The following RET variants were observed in gnomAD, a reference collection of about 807,000 sequenced individuals.
The protein encoded by RET is ret proto-oncogene.
In RET, 19 loss-of-function variants were observed where a neutral mutation model predicts 118.3. That is an observed-to-expected ratio of 0.16 (90% CI 0.11 to 0.24). The LOEUF is 0.24. Ranked by LOEUF, RET falls within the 10% of genes least tolerant of loss-of-function variation. The probability of loss-of-function intolerance (pLI) is 1.00; values close to 1 mark genes in which losing one functional copy is unlikely to be tolerated. For missense variants in RET, 1,219 were observed against 1,502.1 expected (o/e 0.81, Z 3.12); for synonymous variants, 597 against 644.1 (o/e 0.93, Z 1.11).
At chr10:43,079,346 C>CGT (rs1564481685) in intron 1 of RET, among the ~76,000 whole-genome samples, 1 of 152,198 alleles carries the variant, frequency 6.6e-6, no homozygotes, top group African/African-American at 2.4e-5. Flanking sequence ...AGGGACGCCA[C>CGT]GTGTGTATAT....
At chr10:43,102,153 G>T in intron 2 of RET, 189 bp from the exon 3 acceptor site, 1 of 695,308 alleles carries the variant, frequency 1.4e-6, no homozygotes, top group Non-Finnish European at 2.5e-6. Context: ...GTGGGGCATT[G>T]GTGCTGGGCA....
At chr10:43,081,104 C>G (rs921906311) in intron 1 of RET, among the ~76,000 whole-genome samples, 2 of 152,096 alleles carry the variant, frequency 1.3e-5, no homozygotes, top group African/African-American at 4.8e-5. Flanking sequence ...GGTGCAGCCC[C>G]CCATGCTCCC....
Position 43,124,922 on chromosome 10 carries a change from C to A in RET, c.2979C>A (p.Asp993Glu). The A allele has an allele frequency of 1.2e-6, 2 of 1,614,202 alleles. No homozygotes were observed. The highest frequency in any genetic ancestry group is 1.7e-6 in the Non-Finnish European group (2 of 1,180,052). The change falls in exon 18 of 20, where the codon GAC becomes GAA. Residue 993 changes from aspartate (D) to glutamate (E), a missense_variant. By Grantham distance (45) the Asp-to-Glu change is conservative. This residue lies in a region of RET where 174 missense variants were observed against 179.3 expected (regional missense o/e 0.97). Transcript: ENST00000355710. Reference sequence around the variant, plus strand: ...TGCAATGCTGGAAGCAGGAGCCGGACAAAAGGCCGGTGTTTGCGGACATCA... The same window carrying A: ...TGCAATGCTGGAAGCAGGAGCCGGAAAAAAGGCCGGTGTTTGCGGACATCA... Reference protein sequence around the residue: ...LMLQCWKQEPDKRPVFADISK... With the variant: ...LMLQCWKQEPEKRPVFADISK...
intron 1 of RET, among the ~76,000 whole-genome samples, chr10:43,081,805 G>A (rs955456856): frequency 8.5e-5 from 13 of 152,208 alleles, no homozygotes; most frequent in Middle Eastern, 3.2e-3. Flanking sequence ...AGCCAGGGCC[G>A]GCTCAGGGAT....
intron 12 of RET, 66 bp downstream of exon 12, chr10:43,116,797 CT>C (rs1322100535): frequency 2.3e-5 from 36 of 1,567,134 alleles, no homozygotes; most frequent in Non-Finnish European, 2.9e-5. Context: ...GGTGAGGCCC[CT>C]CCTGCCCAGC....
intron 4 of RET, 102 bp downstream of exon 4, chr10:43,105,295 G>A (rs1054951688): frequency 3.3e-6 from 5 of 1,530,936 alleles, no homozygotes; most frequent in Non-Finnish European, 3.6e-6. Context: ...CCGTGTGGCC[G>A]ACCATTCGCG....
intron 15 of RET, among the ~76,000 whole-genome samples, 197 bp downstream of exon 15, chr10:43,120,400 T>C (rs1478301890): frequency 6.6e-6 from 1 of 152,202 alleles, no homozygotes; most frequent in African/African-American, 2.4e-5. Context: ...TGCCATGTCC[T>C]TCTCCTCCAG....
At chr10:43,116,136 G>A (rs1158683885) in intron 11 of RET, among the ~76,000 whole-genome samples, 1 of 152,244 alleles carries the variant, frequency 6.6e-6, no homozygotes, top group East Asian at 1.9e-4. Flanking sequence ...GTGAGCGGGT[G>A]CGTGAGGGCC....
rs1799939 is a variant in RET, at chr10:43,114,671, G to T, written c.2071G>T (p.Gly691Cys). Residue 691 changes from glycine to cysteine, a missense_variant, in exon 11 of 20, where the codon GGT (glycine) becomes TGT (cysteine). Physicochemically the swap from Gly to Cys is radical, Grantham distance 159. Around this residue, in one of 5 missense-constraint regions of RET, gnomAD observed 850 missense variants for 969.6 expected, o/e 0.88. Transcript: ENST00000355710. The surrounding 1 kb of genome is among the most constrained non-coding windows in gnomAD (Gnocchi z 4.6). ...QAFPVSYSSS[G>C]ARRPSLDSME... ...CTTCCCGGTCAGCTACTCCTCTTCC[G>T]GTGCCCGCCGGCCCTCGCTGGACTC... is the stretch of plus-strand genomic sequence containing the variant. The T allele has an allele frequency of 9.3e-6, 15 of 1,612,290 alleles. No individual in the cohort carries two copies. The highest frequency in any genetic ancestry group is 1.3e-5 in the Non-Finnish European group (15 of 1,179,882).
In RET at chr10:43,106,716, A is replaced by G. The variant is rs182113946; in HGVS notation, c.1063+145A>G. On this transcript the variant is annotated intron_variant, in intron 5 of 19. Transcript: ENST00000355710. This position sits in a 1 kb window ranked among gnomAD's most constrained non-coding sequence, Gnocchi z 5.1. ...ACTTCCCCTCCACCCTCTGCCCAGC[A>G]CTTCCTGTGTCTCTGCCAGGCCTGC... 1,914 of 845,280 alleles carry G rather than the reference A, an allele frequency of 2.3e-3. 6 individuals carry two copies. The highest frequency in any genetic ancestry group is 2.3e-3 in the Non-Finnish European group (1,247 of 537,234). 52.4% of individuals were successfully genotyped at this position (845,280 alleles called of 1,614,324 possible).
intron 3 of RET, among the ~76,000 whole-genome samples, chr10:43,103,945 C>CT (rs1564490675): frequency 6.6e-6 from 1 of 152,218 alleles, no homozygotes; most frequent in African/African-American, 2.4e-5. Flanking sequence ...AGCATGCCCC[C>CT]TTTTCTGGAT....
In RET at chr10:43,106,291, C is replaced by T. The variant is rs775741962; in HGVS notation, c.868-85C>T. 19 of 1,295,416 alleles carry T rather than the reference C, an allele frequency of 1.5e-5. No homozygotes were observed. The highest frequency in any genetic ancestry group is 3.7e-5 in the South Asian group (3 of 81,428). The allele number at this position is 1,295,416 out of a possible 1,614,324, so 80.2% of individuals were successfully genotyped here. ...TGGTCCACCTATGGGCTGTGTGGGA[C>T]GTGCAGCATTCTAAGGTCTCTGGTT... On this transcript the variant is annotated intron_variant, in intron 4 of 19. Transcript: ENST00000355710. This position sits in a 1 kb window ranked among gnomAD's most constrained non-coding sequence, Gnocchi z 5.1.
intron 4 of RET, 112 bp downstream of exon 4, chr10:43,105,305 GCTTTCATTTGTCCTTCGC>G: frequency 6.7e-7 from 1 of 1,503,710 alleles, no homozygotes; most frequent in East Asian, 2.3e-5. Flanking sequence ...GACCATTCGC[GCTTTCATTTGTCCTTCGC>G]CTCCGTCTGC....
At chr10:43,082,015 A>G (rs1207673915) in intron 1 of RET, among the ~76,000 whole-genome samples, 1 of 152,112 alleles carries the variant, frequency 6.6e-6, no homozygotes, top group Non-Finnish European at 1.5e-5. Flanking sequence ...TGGCGCTGAG[A>G]CAATGAGGCC....
At chr10:43,119,955 C>A in intron 14 of RET, 126 bp from the exon 15 acceptor site, 2 of 1,454,224 alleles carry the variant, frequency 1.4e-6, no homozygotes, top group Non-Finnish European at 9.4e-7. Context: ...TGCCACACCC[C>A]CGGCCCAGGT....
chr10:43,080,039 G>A lies in RET; in HGVS notation c.73+2708G>A, dbSNP rs1378598538. The stretch of plus-strand genomic sequence containing the variant: ...GCAAGCAGAGAGCAAATGGGGAAGT[G>A]CATTGAGCTGATTCACTAAATTGCC... On this transcript the variant is annotated intron_variant, in intron 1 of 19. Coordinates refer to ENST00000355710, the MANE Select transcript of RET (RefSeq NM_020975.6). 2.0e-5 allele frequency among the ~76,000 whole-genome samples: 3 copies of A among 152,310 alleles called. No homozygotes were observed. In the East Asian group the frequency reaches 5.8e-4, roughly 29 times the overall value.
chr10:43,112,888 A>G lies in RET; in HGVS notation c.1684A>G (p.Thr562Ala). 2 of 1,614,108 alleles carry G rather than the reference A, an allele frequency of 1.2e-6. No homozygotes were observed. The highest frequency in any genetic ancestry group is 1.7e-6 in the Non-Finnish European group (2 of 1,179,990). ...TRNFSTCSPSTKTCPDGHCDV... is the reference protein window; with the variant it reads ...TRNFSTCSPSAKTCPDGHCDV... ...GAACTTCTCCACCTGCTCTCCCAGC[A>G]CCAAGACCTGCCCCGACGGCCACTG... Residue 562 changes from threonine (T) to alanine (A), a missense_variant, in exon 9 of 20, where the codon ACC (threonine) becomes GCC (alanine). By Grantham distance (58) the Thr-to-Ala change is moderately conservative. This residue lies in a region of RET where 850 missense variants were observed against 969.6 expected (regional missense o/e 0.88). Coordinates refer to ENST00000355710, the MANE Select transcript of RET (RefSeq NM_020975.6).
At chr10:43,083,679 C>T (rs942618406) in intron 1 of RET, among the ~76,000 whole-genome samples, 1 of 152,238 alleles carries the variant, frequency 6.6e-6, no homozygotes, top group African/African-American at 2.4e-5. Flanking sequence ...CCTACCAGCT[C>T]TCCATCCCTT....
At position 43,123,614 on chromosome 10, in the gene RET, C is replaced by G. The variant is rs751564341; in HGVS notation, c.2802-57C>G. 5 of 1,612,176 alleles carry G rather than the reference C, an allele frequency of 3.1e-6. No individual in the cohort carries two copies. The South Asian group carries it at 4.4e-5, about 14-fold the overall frequency. The stretch of plus-strand genomic sequence containing the variant: ...GGTGGGGGTGGATATCTGGGCCCCC[C>G]GGAGGGCTCTGTGAGGGCCAGGTGG... On this transcript the variant is annotated intron_variant, in intron 16 of 19. Coordinates refer to ENST00000355710, the MANE Select transcript of RET (RefSeq NM_020975.6).
Sources: allele counts gnomAD v4.1 joint callset (sites outside exome capture counted in the v4.1 genomes callset), GRCh38; gene constraint gnomAD v4.1.1; regional missense constraint gnomAD v4.1.1; non-coding constraint Gnocchi (gnomAD v3.1); transcripts MANE v1.5; gene names NCBI Gene and HGNC (gene_info 2026-07-23, HGNC 2026-07-21).